Variants in PITPNC1 observed in about 807,000 individuals in gnomAD.
The protein encoded by PITPNC1 is cytoplasmic phosphatidylinositol transfer protein 1.
In PITPNC1, 18 loss-of-function variants were observed where a neutral mutation model predicts 44.7. The observed-to-expected ratio is 0.40, with a 90% confidence interval of 0.28 to 0.60. PITPNC1 has a LOEUF of 0.60. Ranked by LOEUF, PITPNC1 falls within the 20% of genes least tolerant of loss-of-function variation. The pLI, the probability that PITPNC1 is intolerant of heterozygous loss-of-function variation, is 0.39. For missense variants in PITPNC1, 290 were observed against 418.4 expected (o/e 0.69, Z 2.68); for synonymous variants, 141 against 149.6 (o/e 0.94, Z 0.42).
intron 1 of PITPNC1, among the ~76,000 whole-genome samples, chr17:67,443,964 G>A (rs1034093620): frequency 1.3e-5 from 2 of 152,020 alleles, no homozygotes; most frequent in South Asian, 2.1e-4. Context: ...GGAGAACCTG[G>A]ATTTGGCTTT....
intron 1 of PITPNC1, among the ~76,000 whole-genome samples, chr17:67,442,262 C>A (rs1448397668): frequency 8.7e-6 from 1 of 115,568 alleles, no homozygotes; most frequent in Non-Finnish European, 1.8e-5. Context: ...TGAAAATATC[C>A]TCCCATATTG....
intron 1 of PITPNC1, among the ~76,000 whole-genome samples, chr17:67,413,050 TAGAA>T (rs1199960404): frequency 1.3e-5 from 2 of 152,358 alleles, no homozygotes; most frequent in African/African-American, 4.8e-5. Flanking sequence ...AAGATAGGAA[TAGAA>T]AGAGATTACA....
chr17:67,658,632 C>A (rs1313292236), intron 6 of PITPNC1, among the ~76,000 whole-genome samples: 1 of 152,160 alleles, frequency 6.6e-6, no homozygotes, highest in African/African-American at 2.4e-5. Context: ...AGCTAAGGAG[C>A]AGAAAAAATC....
Position 67,597,806 on chromosome 17 carries a change from G to C in PITPNC1, c.366+19549G>C, listed in dbSNP as rs1324675981. 6.6e-6 allele frequency among the ~76,000 whole-genome samples: 1 copy of C among 152,134 alleles called. No homozygotes were observed. Among genetic ancestry groups the C allele is most frequent in the African/African-American group, 2.4e-5 (1 of 41,420 alleles). On this transcript the variant is annotated intron_variant, in intron 5 of 8. Transcript: ENST00000581322. The surrounding 1 kb of genome is among the most constrained non-coding windows in gnomAD (Gnocchi z 4.0). ...GCTCTATGGAGAACACATGCTAGAG[G>C]GTGAGAATGGGTAGACAGGCAAGAT...
chr17:67,610,930 A>AG (rs897997793), intron 5 of PITPNC1, among the ~76,000 whole-genome samples: 1 of 151,934 alleles, frequency 6.6e-6, no homozygotes, highest in African/African-American at 2.4e-5. Flanking sequence ...AAAAAAAAAA[A>AG]AAAAAGAAAA....
chr17:67,428,473 G>T (rs900960522), intron 1 of PITPNC1, among the ~76,000 whole-genome samples: 1 of 151,548 alleles, frequency 6.6e-6, no homozygotes, highest in Non-Finnish European at 1.5e-5. Context: ...CCAGGAGGAT[G>T]AGGCTGCAGA....
At chr17:67,641,498 G>C (rs1390373304) in intron 6 of PITPNC1, among the ~76,000 whole-genome samples, 1 of 152,066 alleles carries the variant, frequency 6.6e-6, no homozygotes, top group Admixed American at 6.6e-5. Context: ...TAGGTGGCCG[G>C]ATAATATGCC....
rs755666258 is a variant in PITPNC1 at position 67,430,486 on chromosome 17, TCAAAAA to T, written c.48+52301_48+52306del. On this transcript the variant is annotated intron_variant, in intron 1 of 8. Coordinates refer to ENST00000581322, the MANE Select transcript of PITPNC1 (RefSeq NM_012417.4). ...CTCTGTGACAGAACAAGACTCTGTC[TCAAAAA>T]CAAAAACAAAAACAAACTTAGAATG... Among the ~76,000 whole-genome samples, 151 of 151,048 alleles carry T rather than the reference TCAAAAA, an allele frequency of 1.0e-3. 1 individual carries two copies. Among genetic ancestry groups the T allele is most frequent in the African/African-American group, 5.4e-4 (22 of 41,120 alleles).
intron 1 of PITPNC1, among the ~76,000 whole-genome samples, chr17:67,445,794 G>A (rs1431955774): frequency 1.3e-5 from 2 of 151,956 alleles, no homozygotes; most frequent in South Asian, 2.1e-4. Flanking sequence ...GAGAATTAGC[G>A]GCAATCTCAT....
chr17:67,410,757 A>G (rs975681781), intron 1 of PITPNC1, among the ~76,000 whole-genome samples: 4 of 151,850 alleles, frequency 2.6e-5, no homozygotes, highest in Admixed American at 6.6e-5. Flanking sequence ...CCAGCCTACT[A>G]TTGCTCTCTT....
chr17:67,415,160 ATGAGCTATCATGCC>A (rs2038569086), intron 1 of PITPNC1, among the ~76,000 whole-genome samples: 2 of 152,168 alleles, frequency 1.3e-5, no homozygotes, highest in South Asian at 4.1e-4. Flanking sequence ...GATTACAGGC[ATGAGCTATCATGCC>A]TGACCTCTTT....
chr17:67,632,972 C>A (rs138927727), intron 6 of PITPNC1, among the ~76,000 whole-genome samples: 16 of 152,340 alleles, frequency 1.1e-4, no homozygotes, highest in Middle Eastern at 3.4e-3. Context: ...TTGTTCTTGG[C>A]TGAGAATAAA....
At chr17:67,427,558 C>A (rs1448855919) in intron 1 of PITPNC1, among the ~76,000 whole-genome samples, 1 of 152,158 alleles carries the variant, frequency 6.6e-6, no homozygotes, top group Non-Finnish European at 1.5e-5. Context: ...GGACTCCTCA[C>A]AAGAGTGAGT....
intron 5 of PITPNC1, among the ~76,000 whole-genome samples, chr17:67,578,969 G>A (rs1212515285): frequency 6.6e-6 from 1 of 152,168 alleles, no homozygotes; most frequent in Admixed American, 6.5e-5. Context: ...GCCACAGAGC[G>A]AGACTCCATC....
At chr17:67,642,231 G>A (rs546652928) in intron 6 of PITPNC1, among the ~76,000 whole-genome samples, 3 of 152,280 alleles carry the variant, frequency 2.0e-5, no homozygotes, top group Non-Finnish European at 2.9e-5. Context: ...TCTGCAGGTC[G>A]CAGAGAGTCT....
At chr17:67,538,376 G>A (rs2040558387) in intron 2 of PITPNC1, among the ~76,000 whole-genome samples, 1 of 152,132 alleles carries the variant, frequency 6.6e-6, no homozygotes, top group Admixed American at 6.6e-5. Context: ...AAGGAGGGAG[G>A]ATCGATTGAG....
In PITPNC1 at chr17:67,684,814, G is replaced by A. The variant is rs946082270; in HGVS notation, c.683-7758G>A. On this transcript the variant is annotated intron_variant, in intron 8 of 8. Coordinates refer to ENST00000581322, the MANE Select transcript of PITPNC1 (RefSeq NM_012417.4). The stretch of plus-strand genomic sequence containing the variant: ...CAAGGCAGCAATGAATATCTTTGTT[G>A]TTAAACCCTTTTTCACATCCATAAA... Among the ~76,000 whole-genome samples the A allele has an allele frequency of 4.6e-5, 7 of 152,202 alleles. No homozygotes were observed. In the East Asian group the frequency reaches 7.7e-4, roughly 17 times the overall value.
At chr17:67,646,867 G>A (rs1464612730) in intron 6 of PITPNC1, among the ~76,000 whole-genome samples, 1 of 152,134 alleles carries the variant, frequency 6.6e-6, no homozygotes, top group Non-Finnish European at 1.5e-5. Flanking sequence ...AGGAAACTGA[G>A]GCTTAGAGAG....
rs116039549 is a variant in PITPNC1, at chr17:67,635,295, A to G, written c.462+3057A>G. Among the ~76,000 whole-genome samples, 1,420 of 151,964 alleles carry G rather than the reference A, an allele frequency of 9.3e-3. 30 individuals are homozygous for G. The highest frequency in any genetic ancestry group is 0.033 in the African/African-American group (1,365 of 41,402). On this transcript the variant is annotated intron_variant, in intron 6 of 8. Transcript: ENST00000581322. ...AGATGGACAGGAGCAGATGGTTTGGAGGTATATTTTGAAGATGAGTTGACA... is the reference window on the plus strand; with the variant it reads ...AGATGGACAGGAGCAGATGGTTTGGGGGTATATTTTGAAGATGAGTTGACA...
Sources: allele counts gnomAD v4.1 joint callset (sites outside exome capture counted in the v4.1 genomes callset), GRCh38; gene constraint gnomAD v4.1.1; non-coding constraint Gnocchi (gnomAD v3.1); transcripts MANE v1.5; gene names NCBI Gene and HGNC (gene_info 2026-07-23, HGNC 2026-07-21).